PCDHGA11: variants seen among roughly 807,000 people sequenced by gnomAD.
PCDHGA11 encodes the protein protocadherin gamma-A11.
In PCDHGA11, 39 loss-of-function variants were observed where a neutral mutation model predicts 60.4. The observed-to-expected ratio is 0.65, with a 90% confidence interval of 0.50 to 0.84. The LOEUF (loss-of-function observed/expected upper bound fraction) is 0.84. Ranked by LOEUF, PCDHGA11 falls within the 40% of genes least tolerant of loss-of-function variation. PCDHGA11 has a pLI of 0.00. For missense variants in PCDHGA11, 1,165 were observed against 1,197.7 expected, an observed-to-expected ratio of 0.97 and a Z score of 0.40; for synonymous variants, 533 against 510.3, an observed-to-expected ratio of 1.04 and a Z score of -0.60.
intron 1 of PCDHGA11, among the ~76,000 whole-genome samples, chr5:141,455,580 T>C (rs572453788): frequency 6.6e-6 from 1 of 152,142 alleles, no homozygotes; most frequent in East Asian, 1.9e-4. Flanking sequence ...ACCCCAGCCT[T>C]TTAATATGCA....
chr5:141,479,453 A>G (rs994349416), intron 1 of PCDHGA11: 1 of 152,266 alleles, frequency 6.6e-6, no homozygotes, highest in Non-Finnish European at 1.5e-5. Context: ...TAAGTTCAGC[A>G]TGAATACAGT....
chr5:141,442,153 C>T, intron 1 of PCDHGA11: 1 of 158,698 alleles, frequency 6.3e-6, no homozygotes, highest in Non-Finnish European at 1.4e-5. Flanking sequence ...CAGACCTCAG[C>T]GATCACTCTG....
Position 141,476,464 on chromosome 5 carries a change from G to A in PCDHGA11, c.2434-18343G>A, listed in dbSNP as rs745664477. On this transcript the variant is annotated intron_variant, in intron 1 of 3. Transcript: ENST00000398587. This position sits in a 1 kb window ranked among gnomAD's most constrained non-coding sequence, Gnocchi z 7.6. ...TGGAGTTGGTAGTGGAGAACCCGCT[G>A]GAGCTGTTCAGCGTGGAAGTGGTGA... 3 of 1,614,140 alleles carry A rather than the reference G, an allele frequency of 1.9e-6. No homozygotes were observed. Among genetic ancestry groups the A allele is most frequent in the Non-Finnish European group, 2.5e-6 (3 of 1,180,014 alleles).
intron 1 of PCDHGA11, among the ~76,000 whole-genome samples, chr5:141,481,194 T>C (rs74538051): frequency 0.017 from 2,576 of 152,298 alleles, 78 homozygotes; most frequent in African/African-American, 0.059. Context: ...CCAGGCCCAA[T>C]TTTTTTAAAA....
chr5:141,504,078 C>T (rs1333392062), intron 2 of PCDHGA11, among the ~76,000 whole-genome samples: 1 of 152,078 alleles, frequency 6.6e-6, no homozygotes, highest in Non-Finnish European at 1.5e-5. Flanking sequence ...CCAGATGGTG[C>T]CAAACAGTTA....
At chr5:141,430,743 T>C in intron 1 of PCDHGA11, 1 of 1,498,372 alleles carries the variant, frequency 6.7e-7, no homozygotes, top group Non-Finnish European at 8.9e-7. Flanking sequence ...TGAAAATAAT[T>C]CTGGAGGAAG....
intron 3 of PCDHGA11, among the ~76,000 whole-genome samples, chr5:141,509,068 G>A (rs1267011061): frequency 6.6e-6 from 1 of 152,144 alleles, no homozygotes; most frequent in Non-Finnish European, 1.5e-5. Flanking sequence ...TCTCAGCTCC[G>A]GGGATTTGCG....
chr5:141,443,136 C>T (rs910953831), intron 1 of PCDHGA11, among the ~76,000 whole-genome samples: 1 of 152,160 alleles, frequency 6.6e-6, no homozygotes, highest in African/African-American at 2.4e-5. Context: ...AGAACACTAT[C>T]ATAAGTTATA....
intron 3 of PCDHGA11, among the ~76,000 whole-genome samples, chr5:141,505,697 C>T (rs540949327): frequency 1.4e-4 from 21 of 152,198 alleles, no homozygotes; most frequent in Admixed American, 7.2e-4. Context: ...TGGAGGAGAG[C>T]GAACAAGGAA....
In PCDHGA11 at chr5:141,421,618, G is replaced by T. The variant is rs748399893; in HGVS notation, c.391G>T (p.Ala131Ser). Residue 131 changes from alanine (A) to serine (S), a missense_variant, in exon 1 of 4, where the codon GCC becomes TCC. Physicochemically the swap from Ala to Ser is moderately conservative, Grantham distance 99 (BLOSUM62 1). Transcript: ENST00000398587. The stretch of plus-strand genomic sequence containing the variant: ...GGAAATAATAGATATTAATGATAAC[G>T]CCCCCAGCTTCCAGGAGGACGAAGT... ...EVEIIDINDN[A>S]PSFQEDEVEI... 6.2e-7 allele frequency: 1 copy of T among 1,613,766 alleles called. No homozygotes were observed. The highest frequency in any genetic ancestry group is 8.5e-7 in the Non-Finnish European group (1 of 1,179,804).
At chr5:141,471,963 T>C (rs2024084) in intron 1 of PCDHGA11, among the ~76,000 whole-genome samples, 27,680 of 152,068 alleles carry the variant, frequency 0.18, 3,629 homozygotes, top group African/African-American at 0.37. Context: ...GTGGGGTTGG[T>C]TGCATTACTG....
At chr5:141,439,077 C>T (rs978045948) in intron 1 of PCDHGA11, among the ~76,000 whole-genome samples, 1 of 151,492 alleles carries the variant, frequency 6.6e-6, no homozygotes, top group Non-Finnish European at 1.5e-5. Flanking sequence ...CCTGTAATCC[C>T]AGCTACTCAG....
rs761202330 is a variant in PCDHGA11 at position 141,489,878 on chromosome 5, C to T, written c.2434-4929C>T. 1.1e-5 allele frequency: 17 copies of T among 1,614,116 alleles called. No individual in the cohort carries two copies. In the East Asian group the frequency reaches 3.6e-4, roughly 34 times the overall value. On this transcript the variant is annotated intron_variant, in intron 1 of 3. Transcript: ENST00000398587. This position sits in a 1 kb window ranked among gnomAD's most constrained non-coding sequence, Gnocchi z 4.5. ...CAGGCAAGACATCAGCTGGTGCTTA[C>T]TGCTGTGGATGGGGGGACCCCAGCC... is the stretch of plus-strand genomic sequence containing the variant.
At chr5:141,427,765 T>C (rs1331334394) in intron 1 of PCDHGA11, 3 of 1,387,170 alleles carry the variant, frequency 2.2e-6, no homozygotes, top group Non-Finnish European at 2.0e-6. Context: ...ACCACTGACT[T>C]GGAGCTGCGG....
At chr5:141,478,408 G>C in intron 1 of PCDHGA11, 1 of 1,613,340 alleles carries the variant, frequency 6.2e-7, no homozygotes, top group Non-Finnish European at 8.5e-7. Flanking sequence ...ATCTCACCAC[G>C]GACTCCCGCC....
intron 1 of PCDHGA11, chr5:141,441,971 G>T: frequency 3.3e-6 from 1 of 298,820 alleles, no homozygotes; most frequent in Non-Finnish European, 6.5e-6. Context: ...AGGCTCTTCA[G>T]CCTGGAATGC....
chr5:141,499,888 A>G (rs574246186), intron 2 of PCDHGA11, among the ~76,000 whole-genome samples: 105 of 152,174 alleles, frequency 6.9e-4, no homozygotes, highest in African/African-American at 2.4e-3. Flanking sequence ...GGGTTTCGCC[A>G]TGTTGGCCAG....
intron 1 of PCDHGA11, among the ~76,000 whole-genome samples, chr5:141,434,824 A>ACTTG (rs1561875192): frequency 1.3e-5 from 2 of 151,888 alleles, no homozygotes; most frequent in African/African-American, 4.8e-5. Flanking sequence ...CCCTTAGTAC[A>ACTTG]CTTGGCATTT....
intron 2 of PCDHGA11, among the ~76,000 whole-genome samples, chr5:141,497,213 G>A (rs1313220474): frequency 6.6e-6 from 1 of 152,126 alleles, no homozygotes; most frequent in Non-Finnish European, 1.5e-5. Flanking sequence ...GTGTAATGGG[G>A]GGGGGAAGAT....
Sources: gnomAD v4.1 joint callset for allele counts (sites outside exome capture counted in the v4.1 genomes callset) on GRCh38, gnomAD v4.1.1 for gene constraint, Gnocchi (gnomAD v3.1) non-coding constraint, MANE v1.5 for transcripts, NCBI Gene and HGNC (gene_info 2026-07-23, HGNC 2026-07-21) for gene names.